Variants in PLPPR5 observed in about 807,000 individuals in gnomAD.
PLPPR5 encodes phospholipid phosphatase-related protein type 5.
A neutral mutation model predicts 33.9 loss-of-function variants in PLPPR5; 16 were observed. The ratio of observed to expected loss-of-function variants is 0.47; its 90% confidence interval spans 0.32 to 0.72. PLPPR5 has a LOEUF of 0.72. Ranked by LOEUF, PLPPR5 falls within the 30% of genes least tolerant of loss-of-function variation. The probability of loss-of-function intolerance (pLI) is 0.03; values close to 1 mark genes in which losing one functional copy is unlikely to be tolerated. For missense variants in PLPPR5, 301 were observed against 406.7 expected, an observed-to-expected ratio of 0.74 and a Z score of 2.23; for synonymous variants, 163 against 150.3, an observed-to-expected ratio of 1.08 and a Z score of -0.62.
At chr1:98,986,879 GT>G (rs1419565014) in intron 1 of PLPPR5, among the ~76,000 whole-genome samples, 1 of 151,592 alleles carries the variant, frequency 6.6e-6, no homozygotes, top group African/African-American at 2.4e-5. Context: ...AACCTTTTAG[GT>G]AATTGGCCTA....
At chr1:98,933,113 T>A (rs1270664219) in intron 3 of PLPPR5, among the ~76,000 whole-genome samples, 1 of 151,202 alleles carries the variant, frequency 6.6e-6, no homozygotes, top group African/African-American at 2.4e-5. Flanking sequence ...AGAACCCCAA[T>A]AAATTCAGGT....
intron 2 of PLPPR5, among the ~76,000 whole-genome samples, chr1:98,953,913 T>C (rs1466618899): frequency 6.6e-6 from 1 of 152,078 alleles, no homozygotes; most frequent in Non-Finnish European, 1.5e-5. Context: ...AGAAACACAT[T>C]TTTTTTAAAG....
At chr1:98,939,600 C>T (rs1557676898) in intron 3 of PLPPR5, among the ~76,000 whole-genome samples, 1 of 151,914 alleles carries the variant, frequency 6.6e-6, no homozygotes, top group Non-Finnish European at 1.5e-5. Flanking sequence ...GCCACTGGCA[C>T]GTGATCCACA....
intron 1 of PLPPR5, among the ~76,000 whole-genome samples, chr1:98,977,934 T>C (rs906628417): frequency 3.9e-5 from 6 of 152,078 alleles, no homozygotes; most frequent in East Asian, 3.9e-4. Flanking sequence ...ATATCAAGAA[T>C]GCTAACTTTT....
chr1:98,928,660 CA>C (rs1358576554), intron 3 of PLPPR5, among the ~76,000 whole-genome samples: 1 of 147,710 alleles, frequency 6.8e-6, no homozygotes, highest in Non-Finnish European at 1.5e-5. Flanking sequence ...GTGAATATTC[CA>C]AAAAAGATTA....
intron 5 of PLPPR5, among the ~76,000 whole-genome samples, chr1:98,914,493 G>T (rs751271373): frequency 2.6e-5 from 4 of 151,992 alleles, no homozygotes; most frequent in Non-Finnish European, 5.9e-5. Flanking sequence ...CTCCATGTTG[G>T]CCAGGCTGGT....
chr1:99,004,368 C>T, intron 1 of PLPPR5, 67 bp downstream of exon 1: 1 of 1,368,124 alleles, frequency 7.3e-7, no homozygotes, highest in African/African-American at 1.4e-5. Context: ...CTTAGAGGGG[C>T]CTCAACCCCG....
chr1:98,991,449 T>C (rs1175297048), intron 1 of PLPPR5, among the ~76,000 whole-genome samples: 2 of 152,148 alleles, frequency 1.3e-5, no homozygotes, highest in Non-Finnish European at 2.9e-5. Flanking sequence ...TTCTACTCCA[T>C]TTGCAAGGTA....
intron 1 of PLPPR5, among the ~76,000 whole-genome samples, chr1:98,958,566 GGTGAA>G (rs1239527040): frequency 6.6e-6 from 1 of 152,100 alleles, no homozygotes; most frequent in African/African-American, 2.4e-5. Flanking sequence ...CTCTGGCATT[GGTGAA>G]GTAGAGCGGA....
At position 98,893,084 on chromosome 1, in the gene PLPPR5, T is replaced by C. The variant is rs368260454; in HGVS notation, c.954A>G (p.Ala318=). 6.2e-7 allele frequency: 1 copy of C among 1,611,284 alleles called. No individual in the cohort carries two copies. The highest frequency in any genetic ancestry group is 1.7e-4 in the Middle Eastern group (1 of 6,046). ...ATCTGCTTCGATATCATGTGACTTC[T>C]GCGAAGGCAGTGATGTGGTTCTGCA... is the stretch of plus-strand genomic sequence containing the variant. ...TSVQNHITAF[A]EVT Residue 318 remains alanine, a synonymous_variant, in exon 6 of 6, where the codon GCA becomes GCG. Transcript: ENST00000263177.
At chr1:98,940,683 G>A (rs1304963117) in intron 3 of PLPPR5, among the ~76,000 whole-genome samples, 1 of 151,882 alleles carries the variant, frequency 6.6e-6, no homozygotes, top group African/African-American at 2.4e-5. Context: ...ATTATGTTAG[G>A]AAGCTTATTG....
intron 1 of PLPPR5, among the ~76,000 whole-genome samples, chr1:99,001,671 GATATATATATATATATATATATAT>G (rs55722150): frequency 9.8e-6 from 1 of 102,196 alleles, no homozygotes; most frequent in Non-Finnish European, 1.9e-5. Flanking sequence ...GAAAGTTAAA[GATATATATATATATATATATATAT>G]ATATATATAT....
intron 3 of PLPPR5, among the ~76,000 whole-genome samples, chr1:98,922,843 G>T (rs1243928490): frequency 6.6e-6 from 1 of 152,014 alleles, no homozygotes; most frequent in East Asian, 1.9e-4. Flanking sequence ...AAATCAGCTG[G>T]GCGTGGTGGC....
chr1:98,932,804 A>G (rs1462268667), intron 3 of PLPPR5, among the ~76,000 whole-genome samples: 1 of 152,162 alleles, frequency 6.6e-6, no homozygotes, highest in Non-Finnish European at 1.5e-5. Flanking sequence ...TCCAGTCTTG[A>G]TCCTTCAGTA....
At chr1:98,949,032 T>C (rs1156366979) in intron 3 of PLPPR5, among the ~76,000 whole-genome samples, 4 of 152,188 alleles carry the variant, frequency 2.6e-5, no homozygotes, top group African/African-American at 9.7e-5. Context: ...ACAATTTATA[T>C]GAGGTTAACT....
chr1:98,962,481 T>G (rs935575218), intron 1 of PLPPR5, among the ~76,000 whole-genome samples: 2 of 152,210 alleles, frequency 1.3e-5, no homozygotes, highest in African/African-American at 4.8e-5. Flanking sequence ...CTATTTCAAA[T>G]AAGACCACTT....
Position 98,964,909 on chromosome 1 carries a change from C to T in PLPPR5, c.238-8168G>A, listed in dbSNP as rs1651375894. ...GCCTCGACCTCCTGGACTCAATCCT[C>T]CTGCCTCAGCCTCCTGAGTAGATGA... On this transcript the variant is annotated intron_variant, in intron 1 of 5. Transcript: ENST00000263177. Among the ~76,000 whole-genome samples the T allele has an allele frequency of 2.6e-5, 4 of 152,068 alleles. No homozygotes were observed. The South Asian group carries it at 8.3e-4, about 32-fold the overall frequency.
chr1:99,001,681 T>TATATATAGATATATATATATATATATAG (rs1652855117), intron 1 of PLPPR5, among the ~76,000 whole-genome samples: 1 of 142,322 alleles, frequency 7.0e-6, no homozygotes, highest in South Asian at 2.3e-4. Context: ...GATATATATA[T>TATATATAGATATATATATATATATATAG]ATATATATAT....
chr1:98,942,655 T>C (rs1025613564), intron 3 of PLPPR5, among the ~76,000 whole-genome samples: 5 of 152,154 alleles, frequency 3.3e-5, no homozygotes, highest in Non-Finnish European at 7.4e-5. Flanking sequence ...GAGAAAGTGA[T>C]AGCTCTATCT....
Sources: gnomAD v4.1 joint callset for allele counts (sites outside exome capture counted in the v4.1 genomes callset) on GRCh38, gnomAD v4.1.1 for gene constraint, MANE v1.5 for transcripts, NCBI Gene and HGNC (gene_info 2026-07-23, HGNC 2026-07-21) for gene names.